The following MBD2 variants were observed in gnomAD, a reference collection of about 807,000 sequenced individuals.
The protein encoded by MBD2 is methyl-CpG binding domain protein 2, also known as methyl-CpG-binding domain protein 2.
Under a neutral mutation model 39.3 loss-of-function variants are expected in MBD2, and 9 were observed. The ratio of observed to expected loss-of-function variants is 0.23; its 90% confidence interval spans 0.14 to 0.40. The LOEUF is 0.40. Ranked by LOEUF, MBD2 falls within the 10% of genes least tolerant of loss-of-function variation. MBD2 has a pLI of 1.00. For missense variants in MBD2, 458 were observed against 532.6 expected (o/e 0.86, Z 1.38); for synonymous variants, 233 against 211.1 (o/e 1.10, Z -0.90).
intron 4 of MBD2, 46 bp from the exon 5 acceptor site, chr18:54,164,746 C>G (rs367627496): frequency 2.2e-5 from 33 of 1,498,252 alleles, no homozygotes; most frequent in Non-Finnish European, 3.0e-5. Flanking sequence ...TCTCAATGTG[C>G]TGAGCAAACT....
intron 1 of MBD2, among the ~76,000 whole-genome samples, chr18:54,222,625 T>C (rs1272110024): frequency 6.6e-6 from 1 of 152,252 alleles, no homozygotes; most frequent in Non-Finnish European, 1.5e-5. Flanking sequence ...TACCTTCTTA[T>C]GTTTAAAAGA....
chr18:54,202,855 C>T, intron 2 of MBD2: 1 of 1,403,238 alleles, frequency 7.1e-7, no homozygotes, highest in Non-Finnish European at 1.0e-6. Flanking sequence ...CTGAAGCAGA[C>T]AAACAAGTCA....
At chr18:54,214,867 GT>G in intron 1 of MBD2, among the ~76,000 whole-genome samples, 1 of 151,726 alleles carries the variant, frequency 6.6e-6, no homozygotes, top group Admixed American at 6.6e-5. Context: ...AGCCTCCCTA[GT>G]AGCTGGGACG....
At chr18:54,187,018 T>C (rs1159211498) in intron 3 of MBD2, among the ~76,000 whole-genome samples, 1 of 152,210 alleles carries the variant, frequency 6.6e-6, no homozygotes, top group African/African-American at 2.4e-5. Context: ...ATTTCAACTT[T>C]AAAACTCTAA....
intron 1 of MBD2, among the ~76,000 whole-genome samples, chr18:54,218,261 T>C (rs1260438448): frequency 6.6e-6 from 1 of 152,200 alleles, no homozygotes; most frequent in Admixed American, 6.5e-5. Flanking sequence ...CTCAGAACAA[T>C]ACTGCTTTAA....
intron 4 of MBD2, among the ~76,000 whole-genome samples, chr18:54,165,731 C>T (rs1175311404): frequency 1.3e-5 from 2 of 152,184 alleles, no homozygotes; most frequent in Non-Finnish European, 2.9e-5. Context: ...CCAGATGTTG[C>T]TATAAGCAGG....
chr18:54,194,557 G>GTGTA (rs565457822), intron 2 of MBD2, among the ~76,000 whole-genome samples: 1 of 148,712 alleles, frequency 6.7e-6, no homozygotes, highest in African/African-American at 2.5e-5. Flanking sequence ...GTGTGTGTGT[G>GTGTA]TATATATATA....
At chr18:54,177,722 C>T (rs906205509) in intron 3 of MBD2, among the ~76,000 whole-genome samples, 1 of 151,524 alleles carries the variant, frequency 6.6e-6, no homozygotes, top group African/African-American at 2.4e-5. Flanking sequence ...ACTCGTTATC[C>T]GCCCGCCTCA....
At chr18:54,159,708 G>A (rs2144275942) in intron 6 of MBD2, 57 bp downstream of exon 6, 3 of 1,576,960 alleles carry the variant, frequency 1.9e-6, no homozygotes, top group Middle Eastern at 1.7e-4. Context: ...GAAGCACTAT[G>A]TCCGGCCAAG....
chr18:54,186,312 C>T (rs759454783), intron 3 of MBD2, among the ~76,000 whole-genome samples: 1 of 152,114 alleles, frequency 6.6e-6, no homozygotes, highest in Non-Finnish European at 1.5e-5. Flanking sequence ...AAAATAACTT[C>T]TCCAATTGGA....
chr18:54,202,193 A>G (rs887326370), intron 2 of MBD2, among the ~76,000 whole-genome samples: 7 of 151,968 alleles, frequency 4.6e-5, no homozygotes, highest in Non-Finnish European at 1.0e-4. Flanking sequence ...AAATACAAAA[A>G]TTAGCTAGGC....
intron 1 of MBD2, among the ~76,000 whole-genome samples, chr18:54,213,084 G>A (rs1393123280): frequency 3.6e-4 from 43 of 120,226 alleles, no homozygotes; most frequent in Non-Finnish European, 5.3e-4. Context: ...GATTATGGGG[G>A]CGGGGGGGGG....
chr18:54,162,657 T>A (rs1372279105), intron 5 of MBD2, among the ~76,000 whole-genome samples: 6 of 152,218 alleles, frequency 3.9e-5, no homozygotes, highest in Non-Finnish European at 7.3e-5. Context: ...CCCTGCTGAT[T>A]AATTCAGCAT....
At chr18:54,189,759 C>T (rs1298099873) in intron 2 of MBD2, among the ~76,000 whole-genome samples, 1 of 150,734 alleles carries the variant, frequency 6.6e-6, no homozygotes, top group Non-Finnish European at 1.5e-5. Context: ...AAGCAATCCT[C>T]CGACCTCAGC....
chr18:54,211,708 G>A (rs17463119), intron 1 of MBD2, among the ~76,000 whole-genome samples: 2,474 of 152,160 alleles, frequency 0.016, 34 homozygotes, highest in Middle Eastern at 0.055. Context: ...AACTTTGCTC[G>A]TCTCTTTGCA....
chr18:54,190,727 G>A (rs2144312803), intron 2 of MBD2, among the ~76,000 whole-genome samples: 1 of 152,144 alleles, frequency 6.6e-6, no homozygotes, highest in South Asian at 2.1e-4. Context: ...ACATCATATG[G>A]CTAAAAGTCA....
At chr18:54,189,093 CT>C (rs1277668709) in intron 2 of MBD2, 82 bp from the exon 3 acceptor site, 1 of 912,368 alleles carries the variant, frequency 1.1e-6, no homozygotes, top group African/African-American at 1.7e-5. Context: ...ATATCTATTA[CT>C]TTAAATCAAA....
chr18:54,211,597 A>C (rs1224045970), intron 1 of MBD2, among the ~76,000 whole-genome samples: 1 of 152,028 alleles, frequency 6.6e-6, no homozygotes, highest in African/African-American at 2.4e-5. Flanking sequence ...CCCATGTCTG[A>C]TCACTTCCTA....
intron 3 of MBD2, among the ~76,000 whole-genome samples, chr18:54,174,155 C>T (rs915615505): frequency 6.6e-6 from 1 of 152,206 alleles, no homozygotes; most frequent in Non-Finnish European, 1.5e-5. Flanking sequence ...TTGGTTTATA[C>T]ACCCACAAGA....
Sources: gnomAD v4.1 joint callset for allele counts (sites outside exome capture counted in the v4.1 genomes callset) on GRCh38, gnomAD v4.1.1 for gene constraint, MANE v1.5 for transcripts, NCBI Gene and HGNC (gene_info 2026-07-23, HGNC 2026-07-21) for gene names.